DENND5A: variants seen among roughly 807,000 people sequenced by gnomAD.
DENND5A encodes the protein DENN domain containing 5A.
In DENND5A, 64 loss-of-function variants were observed where a neutral mutation model predicts 140.3. The ratio of observed to expected loss-of-function variants is 0.46; its 90% CI spans 0.37 to 0.56. The LOEUF (loss-of-function observed/expected upper bound fraction) is 0.56, where lower values mean the gene tolerates loss of function less well. Ranked by LOEUF, DENND5A falls within the 20% of genes least tolerant of loss-of-function variation. The probability of loss-of-function intolerance (pLI) is 0.00; values close to 1 mark genes in which losing one functional copy is unlikely to be tolerated. For missense variants in DENND5A, 1,292 were observed against 1,593.8 expected (o/e 0.81, Z 3.22); for synonymous variants, 605 against 607.7 (o/e 1.00, Z 0.07).
At chr11:9,149,728 C>T (rs1483463071) in intron 15 of DENND5A, among the ~76,000 whole-genome samples, 1 of 152,128 alleles carries the variant, frequency 6.6e-6, no homozygotes, top group Non-Finnish European at 1.5e-5. Context: ...TTTAATTCTC[C>T]AATCCTTTGC....
chr11:9,208,344 G>C (rs1221938296), intron 1 of DENND5A, among the ~76,000 whole-genome samples: 1 of 152,220 alleles, frequency 6.6e-6, no homozygotes, highest in Admixed American at 6.5e-5. Flanking sequence ...GCGTGTGCTA[G>C]TTGACAGAAT....
chr11:9,223,643 A>G (rs1373420630), intron 1 of DENND5A, among the ~76,000 whole-genome samples: 1 of 151,958 alleles, frequency 6.6e-6, no homozygotes, highest in Non-Finnish European at 1.5e-5. Context: ...TGCTCGAGCC[A>G]GGGAGACTGA....
At chr11:9,154,307 G>A (rs1847732461) in intron 12 of DENND5A, among the ~76,000 whole-genome samples, 1 of 152,182 alleles carries the variant, frequency 6.6e-6, no homozygotes, top group Non-Finnish European at 1.5e-5. Flanking sequence ...TAAGCAGAGT[G>A]TTGGGATTCA....
intron 7 of DENND5A, 56 bp from the exon 8 acceptor site, chr11:9,178,422 C>T (rs1226156227): frequency 9.3e-7 from 1 of 1,070,874 alleles, no homozygotes; most frequent in South Asian, 1.3e-5. Context: ...TGTCAATGTG[C>T]CCAAGGGATC....
At chr11:9,149,329 T>G (rs1847535709) in intron 15 of DENND5A, among the ~76,000 whole-genome samples, 1 of 152,210 alleles carries the variant, frequency 6.6e-6, no homozygotes, top group African/African-American at 2.4e-5. Flanking sequence ...AGCATACCTT[T>G]TATGTGGGCT....
At chr11:9,151,411 C>A (rs1847611260) in intron 13 of DENND5A, among the ~76,000 whole-genome samples, 1 of 152,108 alleles carries the variant, frequency 6.6e-6, no homozygotes, top group African/African-American at 2.4e-5. Flanking sequence ...TAATAAGAAC[C>A]TGCTTTTACA....
chr11:9,150,865 G>A lies in DENND5A; in HGVS notation c.2522-101C>T, dbSNP rs188661709. 1.4e-4 allele frequency: 86 copies of A among 622,946 alleles called. 2 individuals are homozygous for A. In the East Asian group the frequency reaches 2.5e-3, roughly 18 times the overall value. The allele number at this position is 622,946 out of a possible 1,614,324, so 38.6% of individuals were successfully genotyped here. Reference sequence around the variant, plus strand: ...TCACAAATTGCTATGGGAAACAGGTGGTTACACTGGTAACACTTTAATTGA... The same window carrying A: ...TCACAAATTGCTATGGGAAACAGGTAGTTACACTGGTAACACTTTAATTGA... On this transcript the variant is annotated intron_variant, in intron 13 of 22. Coordinates refer to ENST00000328194, the MANE Select transcript of DENND5A (RefSeq NM_015213.4).
At chr11:9,245,155 C>G (rs1020659903) in intron 1 of DENND5A, among the ~76,000 whole-genome samples, 4 of 151,318 alleles carry the variant, frequency 2.6e-5, no homozygotes, top group African/African-American at 4.9e-5. Flanking sequence ...CATGGTGGCA[C>G]GCGCCTATAG....
In DENND5A at chr11:9,203,779, T is replaced by C. The variant is rs74359608; in HGVS notation, c.830A>G (p.Asn277Ser). The change falls in exon 4 of 23, where the codon AAT becomes AGT. Residue 277 changes from asparagine to serine, a missense_variant. Asn to Ser is a conservative substitution (Grantham distance 46). This residue lies in a region of DENND5A where 566 missense variants were observed against 650.4 expected (regional missense o/e 0.87). Transcript: ENST00000328194. ...AGGAAAGTCAAATAGGGGAAGCTCA[T>C]TGGTACTTGGTCTCTGGCAGATTAT... ...GPIICQRPSTNELPLFDFPVK... is the reference protein window; with the variant it reads ...GPIICQRPSTSELPLFDFPVK... The C allele has an allele frequency of 1.6e-3, 2,617 of 1,614,188 alleles. 42 individuals carry two copies. In the East Asian group the frequency reaches 0.044, roughly 27 times the overall value.
At chr11:9,144,398 A>G (rs911766806) in intron 18 of DENND5A, 120 bp from the exon 19 acceptor site, 16 of 955,578 alleles carry the variant, frequency 1.7e-5, no homozygotes, top group Non-Finnish European at 2.4e-5. Context: ...GACTCCTTCA[A>G]TGCTCTGCTG....
chr11:9,159,938 G>A (rs936369503), intron 12 of DENND5A, among the ~76,000 whole-genome samples: 37 of 152,176 alleles, frequency 2.4e-4, no homozygotes, highest in African/African-American at 8.7e-4. Context: ...AGAATGCTCT[G>A]AAGAACATGT....
intron 12 of DENND5A, among the ~76,000 whole-genome samples, chr11:9,155,941 G>A (rs1458432109): frequency 6.6e-6 from 1 of 152,200 alleles, no homozygotes; most frequent in African/African-American, 2.4e-5. Context: ...TGCTGTTTGG[G>A]TTCTCTCTAC....
chr11:9,170,805 C>T lies in DENND5A; in HGVS notation c.1907-28G>A, dbSNP rs746361322. 4 of 1,611,346 alleles carry T rather than the reference C, an allele frequency of 2.5e-6. No homozygotes were observed. The South Asian group carries it at 4.4e-5, about 18-fold the overall frequency. ...GGATGAGAATACACACACACACACA[C>T]ACACACACACACATAAATACACACA... On this transcript the variant is annotated intron_variant, in intron 8 of 22. Coordinates refer to ENST00000328194, the MANE Select transcript of DENND5A (RefSeq NM_015213.4).
intron 1 of DENND5A, among the ~76,000 whole-genome samples, chr11:9,212,319 C>A (rs1462488537): frequency 4.6e-5 from 7 of 151,752 alleles, no homozygotes; most frequent in Non-Finnish European, 8.8e-5. Context: ...AATTGGAGTT[C>A]CAGAAGGAAA....
intron 1 of DENND5A, among the ~76,000 whole-genome samples, chr11:9,218,531 G>A (rs1179215510): frequency 6.6e-6 from 1 of 152,050 alleles, no homozygotes; most frequent in Non-Finnish European, 1.5e-5. Context: ...TTTGAGACCA[G>A]TCTGTGCAAC....
At chr11:9,163,100 C>T (rs1244050439) in intron 11 of DENND5A, among the ~76,000 whole-genome samples, 1 of 152,196 alleles carries the variant, frequency 6.6e-6, no homozygotes, top group Non-Finnish European at 1.5e-5. Context: ...CATTCCACCA[C>T]ATGAATACAC....
At chr11:9,208,774 CTT>C (rs1418855838) in intron 1 of DENND5A, among the ~76,000 whole-genome samples, 1 of 152,190 alleles carries the variant, frequency 6.6e-6, no homozygotes, top group East Asian at 1.9e-4. Flanking sequence ...TCTTCTGAAA[CTT>C]TCTTTTTGAG....
At chr11:9,180,618 A>C in intron 6 of DENND5A, 149 bp downstream of exon 6, 1 of 741,882 alleles carries the variant, frequency 1.3e-6, no homozygotes, top group East Asian at 2.5e-5. Context: ...TGCCAGATGG[A>C]ATTCAGAGTC....
At chr11:9,195,436 A>G (rs1260614822) in intron 4 of DENND5A, among the ~76,000 whole-genome samples, 6 of 152,220 alleles carry the variant, frequency 3.9e-5, no homozygotes, top group African/African-American at 1.2e-4. Context: ...GGTTTCAGGC[A>G]TTTAAGGACA....
Sources: gnomAD v4.1 joint callset for allele counts (sites outside exome capture counted in the v4.1 genomes callset) on GRCh38, gnomAD v4.1.1 for gene constraint, gnomAD v4.1.1 regional missense constraint, MANE v1.5 for transcripts, NCBI Gene and HGNC (gene_info 2026-07-23, HGNC 2026-07-21) for gene names.